Variants in MN1 observed in about 807,000 individuals in gnomAD.
The protein encoded by MN1 is transcriptional activator MN1.
Under a neutral mutation model 86.9 loss-of-function variants are expected in MN1, and 19 were observed. The observed-to-expected ratio is 0.22, with a 90% confidence interval of 0.15 to 0.32. MN1 has a LOEUF of 0.32. Among genes scored for constraint, MN1 ranks in the 10% least tolerant of loss-of-function variants. The pLI is 1.00. For synonymous variants in MN1, 928 were observed against 849.6 expected (o/e 1.09, Z -1.60); for missense variants, 1,841 against 1,862.0 (o/e 0.99, Z 0.21).
Position 27,798,794 on chromosome 22 carries a change from C to A in MN1, c.1750G>T (p.Val584Leu). The A allele has an allele frequency of 1.3e-6, 2 of 1,535,436 alleles. No individual in the cohort carries two copies. The highest frequency in any genetic ancestry group is 1.7e-6 in the Non-Finnish European group (2 of 1,145,938). Residue 584 changes from valine to leucine, a missense_variant, in exon 1 of 2, where the codon GTG becomes TTG. Transcript: ENST00000302326. ...CCATGCACCAGGCCGCCCTGGCCCA[C>A]GTCCCCGGGGTGGCCTAGCTGAGCC... is the stretch of plus-strand genomic sequence containing the variant. ...NLAQLGHPGD[V>L]GQGGLVHGGP...
Position 27,749,345 on chromosome 22 carries a change from G to C in MN1, c.*1570C>G, listed in dbSNP as rs1247434683. Reference sequence around the variant, plus strand: ...CTGAGGACCTGGAGGGGGTGGGGGAGCTCAAAGTGGAGCGTTTTAGTAAGA... The same window carrying C: ...CTGAGGACCTGGAGGGGGTGGGGGACCTCAAAGTGGAGCGTTTTAGTAAGA... On this transcript the variant is annotated 3_prime_UTR_variant, in exon 2 of 2. Transcript: ENST00000302326. 1 of 231,966 alleles carries C rather than the reference G, an allele frequency of 4.3e-6. No individual in the cohort carries two copies. Among genetic ancestry groups the C allele is most frequent in the Non-Finnish European group, 8.5e-6 (1 of 117,324 alleles). The allele number at this position is 231,966 out of a possible 1,614,324, so 14.4% of individuals were successfully genotyped here.
intron 1 of MN1, among the ~76,000 whole-genome samples, chr22:27,795,885 G>A (rs918326842): frequency 3.3e-5 from 5 of 152,138 alleles, no homozygotes; most frequent in Non-Finnish European, 7.4e-5. Context: ...CCACCTTAAA[G>A]GCCTCCAGGC....
chr22:27,782,377 C>T (rs6005618), intron 1 of MN1, among the ~76,000 whole-genome samples: 83 of 152,324 alleles, frequency 5.4e-4, no homozygotes, highest in Middle Eastern at 3.4e-3. Context: ...GTGCCAGGCC[C>T]GGGGCTAAGT....
At chr22:27,761,276 T>C (rs1244812236) in intron 1 of MN1, among the ~76,000 whole-genome samples, 3 of 151,294 alleles carry the variant, frequency 2.0e-5, no homozygotes, top group African/African-American at 7.3e-5. Context: ...CTGTCCATTA[T>C]CCATCCTCTC....
At chr22:27,792,342 A>G (rs993048816) in intron 1 of MN1, among the ~76,000 whole-genome samples, 3 of 139,748 alleles carry the variant, frequency 2.1e-5, no homozygotes, top group Non-Finnish European at 3.0e-5. Context: ...ATATATATAT[A>G]TATATATATG....
intron 1 of MN1, among the ~76,000 whole-genome samples, chr22:27,792,697 A>C (rs1408409733): frequency 6.6e-6 from 1 of 152,134 alleles, no homozygotes; most frequent in African/African-American, 2.4e-5. Flanking sequence ...ATTATCCCTT[A>C]TTAACACCTG....
In MN1 at chr22:27,800,298, C is replaced by G. The variant is rs750142382; in HGVS notation, c.246G>C (p.Gly82=). 2.5e-6 allele frequency: 4 copies of G among 1,575,656 alleles called. No homozygotes were observed. The highest frequency in any genetic ancestry group is 1.4e-5 in the African/African-American group (1 of 73,934). Residue 82 remains glycine, a synonymous_variant, in exon 1 of 2, where the codon GGG becomes GGC. Coordinates refer to ENST00000302326, the MANE Select transcript of MN1 (RefSeq NM_002430.3). ...AGCCGTGCACAGGCTGCGCTTGCAGCCCCCCTGCGTGCAACTCCGAGTGGC... is the reference window on the plus strand; with the variant it reads ...AGCCGTGCACAGGCTGCGCTTGCAGGCCCCCTGCGTGCAACTCCGAGTGGC... The part of the protein sequence containing the change: ...ARGHSELHAG[G]LQAQPVHGFF...
chr22:27,799,368 G>T lies in MN1; in HGVS notation c.1176C>A (p.Gly392=), dbSNP rs1234380145. The change falls in exon 1 of 2, where the codon GGC becomes GGA. Residue 392 remains glycine (G), a synonymous_variant. Transcript: ENST00000302326. ...QQGEAGTPSG[G]LQDGGPMLPS... is the part of the protein sequence containing the mutation. ...GCAGCATGGGGCCTCCGTCCTGCAG[G>T]CCGCCGCTGGGCGTGCCCGCCTCGC... The T allele has an allele frequency of 1.3e-6, 2 of 1,556,962 alleles. No homozygotes were observed.
chr22:27,793,483 T>A (rs1003444454), intron 1 of MN1, among the ~76,000 whole-genome samples: 1 of 152,038 alleles, frequency 6.6e-6, no homozygotes, highest in African/African-American at 2.4e-5. Context: ...TCAGGCTGGG[T>A]TTTGTTTTTT....
intron 1 of MN1, among the ~76,000 whole-genome samples, chr22:27,781,008 G>A (rs777564109): frequency 1.3e-5 from 2 of 151,972 alleles, no homozygotes; most frequent in Non-Finnish European, 2.9e-5. Context: ...ACAACTGACT[G>A]CAGCCTCAAC....
intron 1 of MN1, among the ~76,000 whole-genome samples, chr22:27,791,448 CTT>C (rs1933209945): frequency 6.6e-6 from 1 of 152,046 alleles, no homozygotes; most frequent in South Asian, 2.1e-4. Flanking sequence ...AAAATCCTGA[CTT>C]GAGTCAAAAT....
intron 1 of MN1, among the ~76,000 whole-genome samples, chr22:27,757,754 G>A (rs894044967): frequency 4.6e-5 from 7 of 152,026 alleles, no homozygotes; most frequent in African/African-American, 1.7e-4. Flanking sequence ...TGGAGCCTTC[G>A]TGCTACAGCC....
Position 27,797,716 on chromosome 22 carries a change from C to A in MN1, c.2828G>T (p.Arg943Leu), listed in dbSNP as rs1326517949. The A allele has an allele frequency of 1.9e-6, 3 of 1,610,998 alleles. No homozygotes were observed. The highest frequency in any genetic ancestry group is 1.3e-5 in the African/African-American group (1 of 74,902). ...ACCACTGTCCCTTTTTCTGCGACCCCGTCCCCGGCCGCCGCCCCCGGAGAC... is the reference window on the plus strand; with the variant it reads ...ACCACTGTCCCTTTTTCTGCGACCCAGTCCCCGGCCGCCGCCCCCGGAGAC... ...KPVSGGGGRG[R>L]GRRKRDSGHV... is the part of the protein sequence containing the mutation. Residue 943 changes from arginine (R) to leucine (L), a missense_variant, in exon 1 of 2, where the codon CGG (arginine) becomes CTG (leucine). Physicochemically the swap from Arg to Leu is moderately radical, Grantham distance 102. Transcript: ENST00000302326.
At chr22:27,788,080 T>A (rs1162092238) in intron 1 of MN1, among the ~76,000 whole-genome samples, 2 of 152,194 alleles carry the variant, frequency 1.3e-5, no homozygotes, top group African/African-American at 4.8e-5. Context: ...GCCCAGGTGA[T>A]GTTGTTATAA....
At chr22:27,754,404 C>A (rs1345783411) in intron 1 of MN1, among the ~76,000 whole-genome samples, 1 of 152,200 alleles carries the variant, frequency 6.6e-6, no homozygotes, top group African/African-American at 2.4e-5. Flanking sequence ...CTTCTCCCCA[C>A]CCCAGCAGGG....
Position 27,800,411 on chromosome 22 carries a change from G to C in MN1, c.133C>G (p.Pro45Ala). 1 of 1,614,126 alleles carries C rather than the reference G, an allele frequency of 6.2e-7. No individual in the cohort carries two copies. The highest frequency in any genetic ancestry group is 8.5e-7 in the Non-Finnish European group (1 of 1,180,002). The change falls in exon 1 of 2, where the codon CCT (proline) becomes GCT (alanine). Residue 45 changes from proline to alanine, a missense_variant. Physicochemically the swap from Pro to Ala is conservative, Grantham distance 27. Transcript: ENST00000302326. ...CTCATAGCAGGATCCACAGGGCCAG[G>C]GGGCCCCCCAGTGTGGAAAGCCGGG... Reference protein sequence around the residue: ...KAPAFHTGGPPGPVDPAMSAL... With the variant: ...KAPAFHTGGPAGPVDPAMSAL...
At chr22:27,791,862 G>A (rs1359902998) in intron 1 of MN1, 2 of 152,156 alleles carry the variant, frequency 1.3e-5, no homozygotes, top group Non-Finnish European at 2.9e-5. Context: ...AAGTGATTCT[G>A]CTACATTTTC....
chr22:27,764,532 T>G (rs527914020), intron 1 of MN1, among the ~76,000 whole-genome samples: 55 of 152,298 alleles, frequency 3.6e-4, no homozygotes, highest in Middle Eastern at 3.4e-3. Flanking sequence ...TCATGCTCTG[T>G]GCATTACATC....
chr22:27,796,735 A>G (rs1447656151), intron 1 of MN1, 28 bp downstream of exon 1: 4 of 1,553,862 alleles, frequency 2.6e-6, no homozygotes, highest in Non-Finnish European at 3.5e-6. Flanking sequence ...TCACCCGGGA[A>G]GTGAGAGGAA....
Sources: allele counts gnomAD v4.1 joint callset (sites outside exome capture counted in the v4.1 genomes callset), GRCh38; gene constraint gnomAD v4.1.1; transcripts MANE v1.5; gene names NCBI Gene and HGNC (gene_info 2026-07-23, HGNC 2026-07-21).